RELN: variants seen among roughly 807,000 people sequenced by gnomAD.
The protein encoded by RELN is reelin.
In RELN, 108 loss-of-function variants were observed where a neutral mutation model predicts 427.6. The ratio of observed to expected loss-of-function variants is 0.25; its 90% CI spans 0.22 to 0.30. RELN has a LOEUF of 0.30. Among genes scored for constraint, RELN ranks in the 10% least tolerant of loss-of-function variants. The pLI, the probability that RELN is intolerant of heterozygous loss-of-function variation, is 1.00. For synonymous variants in RELN, 1,524 were observed against 1,513.4 expected (o/e 1.01, Z -0.16); for missense variants, 3,715 against 4,302.8 (o/e 0.86, Z 3.82).
intron 2 of RELN, among the ~76,000 whole-genome samples, chr7:103,892,450 C>T (rs1794871570): frequency 2.6e-5 from 4 of 152,138 alleles, no homozygotes. Context: ...ATGTGTTACA[C>T]ATTAGTACTT....
At chr7:103,611,492 T>A (rs1203692998) in intron 21 of RELN, 119 bp downstream of exon 21, 1 of 755,114 alleles carries the variant, frequency 1.3e-6, no homozygotes, top group Non-Finnish European at 2.2e-6. Flanking sequence ...AAATATTAAA[T>A]AACACTGTTT....
intron 8 of RELN, among the ~76,000 whole-genome samples, chr7:103,702,991 C>G (rs79409489): frequency 0.018 from 2,713 of 152,218 alleles, 97 homozygotes; most frequent in African/African-American, 0.062. Flanking sequence ...ACAGAACTGG[C>G]CCAGGGTTAT....
At chr7:103,920,567 G>GTTTTTTTTTT (rs530809994) in intron 1 of RELN, among the ~76,000 whole-genome samples, 15 of 134,274 alleles carry the variant, frequency 1.1e-4, no homozygotes, top group African/African-American at 3.5e-4. Context: ...CCAGTCTTTG[G>GTTTTTTTTTT]TTTTTTTTTT....
intron 2 of RELN, among the ~76,000 whole-genome samples, chr7:103,904,944 G>A (rs958240195): frequency 1.3e-5 from 2 of 149,546 alleles, no homozygotes; most frequent in African/African-American, 4.9e-5. Context: ...TAAGATACGA[G>A]GCTGGACTGC....
chr7:103,933,907 C>T (rs994244591), intron 1 of RELN, among the ~76,000 whole-genome samples: 13 of 152,150 alleles, frequency 8.5e-5, no homozygotes, highest in Admixed American at 7.2e-4. Context: ...GAGAGAACCA[C>T]AGGGGAGCAG....
chr7:103,869,925 T>C (rs1584315470), intron 2 of RELN, among the ~76,000 whole-genome samples: 1 of 152,274 alleles, frequency 6.6e-6, no homozygotes, highest in East Asian at 1.9e-4. Flanking sequence ...GAAGTCTTTC[T>C]TCAAACTCTG....
intron 2 of RELN, among the ~76,000 whole-genome samples, chr7:103,871,452 T>C (rs980438776): frequency 1.3e-5 from 2 of 152,130 alleles, no homozygotes; most frequent in Non-Finnish European, 2.9e-5. Flanking sequence ...ACAAAATCTT[T>C]AACTACCAAG....
At chr7:103,848,336 C>T (rs756652699) in intron 2 of RELN, among the ~76,000 whole-genome samples, 5 of 152,162 alleles carry the variant, frequency 3.3e-5, no homozygotes, top group African/African-American at 9.7e-5. Flanking sequence ...CAGCTATTGA[C>T]ATTTTCAGTT....
intron 50 of RELN, among the ~76,000 whole-genome samples, chr7:103,514,170 G>C (rs768973747): frequency 6.6e-6 from 1 of 152,076 alleles, no homozygotes; most frequent in Non-Finnish European, 1.5e-5. Flanking sequence ...TGGCATAACA[G>C]TATATCAATC....
rs1797163545 is a variant in RELN, at chr7:103,989,059, G to A, written c.226+72C>T. ...TTGTTTCCAAGGCCCCTTGGAAGAA[G>A]GAAAGGGATGAGAAAGGTGCGCTGG... On this transcript the variant is annotated intron_variant, in intron 1 of 64. Transcript: ENST00000428762. This position sits in a 1 kb window ranked among gnomAD's most constrained non-coding sequence, Gnocchi z 4.9. 2.9e-6 allele frequency: 4 copies of A among 1,362,970 alleles called. No individual in the cohort carries two copies. Among genetic ancestry groups the A allele is most frequent in the Admixed American group, 1.7e-5 (1 of 59,326 alleles). 84.4% of individuals were successfully genotyped at this position (1,362,970 alleles called of 1,614,324 possible).
intron 27 of RELN, among the ~76,000 whole-genome samples, chr7:103,591,965 C>T (rs2299339): frequency 0.045 from 6,816 of 152,100 alleles, 224 homozygotes; most frequent in East Asian, 0.15. Context: ...AATAAAAATT[C>T]TCCCTGATTT....
chr7:103,730,376 A>T (rs1027078529), intron 6 of RELN, among the ~76,000 whole-genome samples: 6 of 152,122 alleles, frequency 3.9e-5, no homozygotes, highest in African/African-American at 1.4e-4. Flanking sequence ...GAAACTGGAT[A>T]ACTGTATAAA....
At chr7:103,960,178 A>G (rs1181196784) in intron 1 of RELN, among the ~76,000 whole-genome samples, 1 of 152,170 alleles carries the variant, frequency 6.6e-6, no homozygotes, top group Admixed American at 6.5e-5. Flanking sequence ...TCCTTTCAAA[A>G]GCTCATGAGA....
At chr7:103,736,062 C>G (rs761042015) in intron 6 of RELN, among the ~76,000 whole-genome samples, 1 of 152,230 alleles carries the variant, frequency 6.6e-6, no homozygotes, top group Non-Finnish European at 1.5e-5. Context: ...TAAGAAGAAT[C>G]TGAGGTGTGA....
intron 2 of RELN, among the ~76,000 whole-genome samples, chr7:103,908,890 T>C (rs1795277405): frequency 6.6e-6 from 1 of 152,222 alleles, no homozygotes; most frequent in Non-Finnish European, 1.5e-5. Flanking sequence ...TGGAGTAATT[T>C]GTTTAATTAA....
chr7:103,525,271 A>AGCTATTCTCTCT (rs1829797674), intron 46 of RELN, among the ~76,000 whole-genome samples: 2 of 152,182 alleles, frequency 1.3e-5, no homozygotes, highest in Non-Finnish European at 2.9e-5. Context: ...CTCATAGCAA[A>AGCTATTCTCTCT]CTATTGTTTT....
chr7:103,775,780 G>A (rs1411299091), intron 4 of RELN, among the ~76,000 whole-genome samples: 2 of 152,242 alleles, frequency 1.3e-5, no homozygotes, highest in African/African-American at 4.8e-5. Context: ...AAGATTTTTA[G>A]AATGACTTAC....
intron 16 of RELN, among the ~76,000 whole-genome samples, chr7:103,647,574 A>G (rs1032045527): frequency 1.3e-5 from 2 of 151,916 alleles, no homozygotes; most frequent in Non-Finnish European, 2.9e-5. Flanking sequence ...AAATGGAGAA[A>G]CATCCTATAC....
intron 1 of RELN, among the ~76,000 whole-genome samples, chr7:103,962,507 CAGG>C (rs2116794670): frequency 6.6e-6 from 1 of 152,014 alleles, no homozygotes; most frequent in South Asian, 2.1e-4. Flanking sequence ...GGTGGTCTGC[CAGG>C]AGGTCGTTGC....
Sources: allele counts gnomAD v4.1 joint callset (sites outside exome capture counted in the v4.1 genomes callset), GRCh38; gene constraint gnomAD v4.1.1; non-coding constraint Gnocchi (gnomAD v3.1); transcripts MANE v1.5; gene names NCBI Gene and HGNC (gene_info 2026-07-23, HGNC 2026-07-21).